SPPL3: variants seen among roughly 807,000 people sequenced by gnomAD.
SPPL3 encodes the protein signal peptide peptidase-like 3.
In SPPL3, 5 loss-of-function variants were observed where a neutral mutation model predicts 42.4. The observed-to-expected ratio is 0.12, with a 90% CI of 0.06 to 0.25. SPPL3 has a LOEUF of 0.25. Ranked by LOEUF, SPPL3 falls within the 10% of genes least tolerant of loss-of-function variation. The probability of loss-of-function intolerance (pLI) is 1.00; values close to 1 mark genes in which losing one functional copy is unlikely to be tolerated. For synonymous variants in SPPL3, 195 were observed against 181.8 expected (o/e 1.07, Z -0.58); for missense variants, 235 against 489.0 (o/e 0.48, Z 4.90).
chr12:120,772,769 C>G (rs1254174704), intron 6 of SPPL3, among the ~76,000 whole-genome samples: 1 of 152,126 alleles, frequency 6.6e-6, no homozygotes, highest in Non-Finnish European at 1.5e-5. Context: ...AAAGCTGCCT[C>G]ATCCCTACAA....
chr12:120,796,057 A>T (rs1870085668), intron 2 of SPPL3, among the ~76,000 whole-genome samples: 1 of 152,046 alleles, frequency 6.6e-6, no homozygotes. Context: ...TTCATTTCTG[A>T]AAGTTTGATT....
At chr12:120,784,647 C>A in intron 3 of SPPL3, 54 bp from the exon 4 acceptor site, 2 of 1,423,058 alleles carry the variant, frequency 1.4e-6, no homozygotes, top group Non-Finnish European at 1.9e-6. Context: ...GGCACTGTGC[C>A]TATGCACTTC....
intron 1 of SPPL3, among the ~76,000 whole-genome samples, chr12:120,853,692 G>A (rs531174609): frequency 1.3e-5 from 2 of 152,156 alleles, no homozygotes; most frequent in East Asian, 3.9e-4. Flanking sequence ...AACACAGATC[G>A]CTGTACCTAC....
chr12:120,824,697 A>G (rs940956536), intron 1 of SPPL3, among the ~76,000 whole-genome samples: 2 of 151,784 alleles, frequency 1.3e-5, no homozygotes, highest in Non-Finnish European at 2.9e-5. Flanking sequence ...CATCAGGCTA[A>G]TTTTTTTTGT....
intron 1 of SPPL3, among the ~76,000 whole-genome samples, chr12:120,836,214 A>C (rs1871613645): frequency 6.6e-6 from 1 of 151,718 alleles, no homozygotes; most frequent in South Asian, 2.1e-4. Flanking sequence ...AATCTGGGCT[A>C]TCCTTGCAAC....
At chr12:120,831,807 A>G (rs1235630204) in intron 1 of SPPL3, among the ~76,000 whole-genome samples, 1 of 152,154 alleles carries the variant, frequency 6.6e-6, no homozygotes, top group Non-Finnish European at 1.5e-5. Context: ...AAAGAATCTG[A>G]TAATTGCCAC....
chr12:120,812,591 G>A (rs1481916402), intron 1 of SPPL3, among the ~76,000 whole-genome samples: 2 of 152,176 alleles, frequency 1.3e-5, no homozygotes, highest in African/African-American at 4.8e-5. Flanking sequence ...AGTGAAAAGA[G>A]GACCTAGGAT....
intron 1 of SPPL3, among the ~76,000 whole-genome samples, chr12:120,884,128 G>A (rs1007568015): frequency 6.7e-6 from 1 of 148,276 alleles, no homozygotes; most frequent in East Asian, 1.9e-4. Context: ...AAATGCAGAT[G>A]TAAATCTAGT....
At chr12:120,775,893 A>G (rs539328548) in intron 6 of SPPL3, among the ~76,000 whole-genome samples, 1 of 152,252 alleles carries the variant, frequency 6.6e-6, no homozygotes, top group East Asian at 1.9e-4. Flanking sequence ...CAGTTAAGAA[A>G]CACTAATTAA....
chr12:120,811,418 A>T (rs568732489), intron 1 of SPPL3: 8 of 152,368 alleles, frequency 5.3e-5, no homozygotes, highest in African/African-American at 1.9e-4. Flanking sequence ...TACTCTCTCC[A>T]TCTTAGCTGA....
At chr12:120,808,491 T>C (rs1228857938) in intron 2 of SPPL3, among the ~76,000 whole-genome samples, 1 of 152,202 alleles carries the variant, frequency 6.6e-6, no homozygotes, top group Non-Finnish European at 1.5e-5. Flanking sequence ...CCTAAAATGA[T>C]ATAGCCCTTC....
chr12:120,897,199 A>G (rs1873833826), intron 1 of SPPL3, among the ~76,000 whole-genome samples: 1 of 152,226 alleles, frequency 6.6e-6, no homozygotes, highest in Non-Finnish European at 1.5e-5. Context: ...AATCTTTTTG[A>G]GAAATGCATG....
At chr12:120,854,069 A>C (rs1437664022) in intron 1 of SPPL3, among the ~76,000 whole-genome samples, 1 of 151,886 alleles carries the variant, frequency 6.6e-6, no homozygotes, top group African/African-American at 2.4e-5. Context: ...CCACAGTGAC[A>C]GTCAGTTCCC....
intron 1 of SPPL3, chr12:120,902,015 G>C (rs1873998872): frequency 1.4e-6 from 1 of 719,636 alleles, no homozygotes; most frequent in Non-Finnish European, 1.7e-6. Flanking sequence ...ATTAGGGCCA[G>C]AGTATGAGAA....
At chr12:120,857,180 G>A (rs1872488869) in intron 1 of SPPL3, among the ~76,000 whole-genome samples, 1 of 152,170 alleles carries the variant, frequency 6.6e-6, no homozygotes, top group Admixed American at 6.5e-5. Context: ...AGTCAAAAGA[G>A]GGAGCTCTAG....
At chr12:120,777,747 TG>T (rs1486972158) in intron 6 of SPPL3, among the ~76,000 whole-genome samples, 2 of 152,242 alleles carry the variant, frequency 1.3e-5, no homozygotes, top group Admixed American at 1.3e-4. Flanking sequence ...TGGTAGCCAT[TG>T]CACTTCAGAC....
In SPPL3 at chr12:120,885,585, C is replaced by A. The variant is rs559464971; in HGVS notation, c.23+18260G>T. Among the ~76,000 whole-genome samples the A allele has an allele frequency of 8.5e-5, 13 of 152,250 alleles. No homozygotes were observed. The East Asian group carries it at 2.5e-3, about 29-fold the overall frequency. On this transcript the variant is annotated intron_variant, in intron 1 of 10. Transcript: ENST00000353487. ...TCAAATCCTGTTAAAGTATTTGTAT[C>A]TAAACATGCAAGTGCCCATAAAAAG...
chr12:120,858,288 C>T (rs1872522261), intron 1 of SPPL3, among the ~76,000 whole-genome samples: 1 of 151,932 alleles, frequency 6.6e-6, no homozygotes, highest in Non-Finnish European at 1.5e-5. Flanking sequence ...CATGGTGAAA[C>T]CCTATCTTTA....
At chr12:120,892,342 A>G (rs1593014376) in intron 1 of SPPL3, among the ~76,000 whole-genome samples, 1 of 152,306 alleles carries the variant, frequency 6.6e-6, no homozygotes, top group Non-Finnish European at 1.5e-5. Context: ...AGTGCTGCCC[A>G]CATGACAGGA....
Sources: allele counts gnomAD v4.1 joint callset (sites outside exome capture counted in the v4.1 genomes callset), GRCh38; gene constraint gnomAD v4.1.1; transcripts MANE v1.5; gene names NCBI Gene and HGNC (gene_info 2026-07-23, HGNC 2026-07-21).